The following AGMO variants were observed in gnomAD, a reference collection of about 807,000 sequenced individuals.
The protein encoded by AGMO is glyceryl-ether monooxygenase.
Under a neutral mutation model 60.2 loss-of-function variants are expected in AGMO, and 75 were observed. That is an observed-to-expected ratio of 1.25 (90% CI 1.03 to 1.51). AGMO has a LOEUF of 1.51. Ranked by LOEUF, AGMO falls within the 40% of genes most tolerant of loss-of-function variation. The pLI is 0.00. For synonymous variants in AGMO, 261 were observed against 177.1 expected, an observed-to-expected ratio of 1.47 and a Z score of -3.76; for missense variants, 763 against 525.5, an observed-to-expected ratio of 1.45 and a Z score of -4.42.
In AGMO at chr7:15,329,254, C is replaced by A. The variant is rs779767851; in HGVS notation, c.1263+36260G>T. Among the ~76,000 whole-genome samples the A allele has an allele frequency of 2.6e-5, 4 of 152,142 alleles. No individual in the cohort carries two copies. The East Asian group carries it at 7.7e-4, about 29-fold the overall frequency. ...TTTAATTGTTTCGGTATACTAAATA[C>A]CCAAGACAATTCTTGACACATAGTT... On this transcript the variant is annotated intron_variant, in intron 12 of 12. Coordinates refer to ENST00000342526, the MANE Select transcript of AGMO (RefSeq NM_001004320.2).
intron 3 of AGMO, among the ~76,000 whole-genome samples, chr7:15,485,240 C>T (rs990266302): frequency 2.6e-5 from 4 of 150,958 alleles, no homozygotes; most frequent in African/African-American, 9.8e-5. Context: ...TCCCTTGAAC[C>T]TGGGAAGCAG....
At chr7:15,127,171 C>A in the AGMO span, among the ~76,000 whole-genome samples, 2 of 152,090 alleles carry the variant, frequency 1.3e-5, no homozygotes, top group African/African-American at 2.4e-5. Flanking sequence ...CGTACCCTGA[C>A]CACCTCGGGC....
intron 12 of AGMO, among the ~76,000 whole-genome samples, chr7:15,327,791 A>G (rs1444990392): frequency 2.4e-5 from 3 of 125,732 alleles, no homozygotes; most frequent in Non-Finnish European, 3.1e-5. Flanking sequence ...TCTGTCACCC[A>G]GGCTGCCAGG....
chr7:15,396,684 A>G (rs774549965), intron 5 of AGMO: 3 of 150,344 alleles, frequency 2.0e-5, no homozygotes, highest in Non-Finnish European at 4.4e-5. Context: ...TCCACTTTAC[A>G]GAGAGCTGAT....
At chr7:15,117,538 G>C in the AGMO span, among the ~76,000 whole-genome samples, 1 of 151,824 alleles carries the variant, frequency 6.6e-6, no homozygotes, top group Non-Finnish European at 1.5e-5. Flanking sequence ...GGGAAGGAGG[G>C]GAGTGAGGGT....
intron 12 of AGMO, among the ~76,000 whole-genome samples, chr7:15,316,868 T>C (rs1217066734): frequency 6.6e-6 from 1 of 152,186 alleles, no homozygotes; most frequent in African/African-American, 2.4e-5. Flanking sequence ...TTAGACAGTA[T>C]GTAGACGTCA....
chr7:15,262,515 A>G (rs763225725), intron 12 of AGMO, among the ~76,000 whole-genome samples: 7 of 152,180 alleles, frequency 4.6e-5, no homozygotes, highest in South Asian at 2.1e-4. Flanking sequence ...GGTAGAATCA[A>G]TATTTTGAAA....
At chr7:15,429,241 C>T (rs1204788800) in intron 4 of AGMO, among the ~76,000 whole-genome samples, 2 of 151,996 alleles carry the variant, frequency 1.3e-5, no homozygotes, top group Non-Finnish European at 2.9e-5. Flanking sequence ...CTAATACCCA[C>T]TAAATGTGAC....
chr7:15,354,380 ACAC>A (rs1563105105), intron 12 of AGMO, among the ~76,000 whole-genome samples: 1 of 49,908 alleles, frequency 2.0e-5, no homozygotes, highest in Non-Finnish European at 3.5e-5. Context: ...ACGTGTGTAT[ACAC>A]GTGTGTGTAT....
chr7:15,129,657 G>A, the AGMO span, among the ~76,000 whole-genome samples: 3 of 152,096 alleles, frequency 2.0e-5, no homozygotes, highest in Non-Finnish European at 4.4e-5. Context: ...CTGGGGCCAG[G>A]ATGAAGTATT....
At chr7:15,176,448 T>C in the AGMO span, among the ~76,000 whole-genome samples, 2 of 151,978 alleles carry the variant, frequency 1.3e-5, no homozygotes, top group South Asian at 2.1e-4. Flanking sequence ...TTTTATACAA[T>C]GTATGGGTGC....
chr7:15,510,496 G>A (rs1447320022), intron 3 of AGMO, among the ~76,000 whole-genome samples: 1 of 151,282 alleles, frequency 6.6e-6, no homozygotes, highest in East Asian at 1.9e-4. Flanking sequence ...CTGTTTATGG[G>A]TAAACGAATA....
chr7:15,486,456 A>T (rs1010908224), intron 3 of AGMO, among the ~76,000 whole-genome samples: 4 of 152,224 alleles, frequency 2.6e-5, no homozygotes, highest in Non-Finnish European at 5.9e-5. Context: ...GAGGGAGCAA[A>T]ACATTCAAAT....
chr7:15,341,037 C>T (rs961962283), intron 12 of AGMO, among the ~76,000 whole-genome samples: 2 of 152,140 alleles, frequency 1.3e-5, no homozygotes, highest in African/African-American at 4.8e-5. Flanking sequence ...GAATCCACCT[C>T]TAGCATCAGA....
chr7:15,445,497 C>A (rs563074524), intron 3 of AGMO, among the ~76,000 whole-genome samples: 1 of 152,186 alleles, frequency 6.6e-6, no homozygotes, highest in East Asian at 1.9e-4. Flanking sequence ...GATTTCTTAA[C>A]CATTTACAGG....
At chr7:15,553,185 G>A (rs868031385) in intron 2 of AGMO, among the ~76,000 whole-genome samples, 5 of 151,458 alleles carry the variant, frequency 3.3e-5, no homozygotes, top group Admixed American at 6.6e-5. Context: ...GTGGGCGGAG[G>A]GGGGAGGGAT....
At chr7:15,251,424 G>A (rs1418316038) in intron 12 of AGMO, among the ~76,000 whole-genome samples, 3 of 152,188 alleles carry the variant, frequency 2.0e-5, no homozygotes, top group East Asian at 3.8e-4. Context: ...AGAAGCCAAA[G>A]AGGGGAGAGT....
chr7:15,355,504 CAAAAAAAAAAA>C (rs56695710), intron 12 of AGMO, among the ~76,000 whole-genome samples: 4 of 81,736 alleles, frequency 4.9e-5, no homozygotes. Flanking sequence ...GACTCTGTCT[CAAAAAAAAAAA>C]AAAAAAAAAG....
chr7:15,560,973 T>C (rs992963404), intron 1 of AGMO, among the ~76,000 whole-genome samples: 1 of 152,194 alleles, frequency 6.6e-6, no homozygotes, highest in Non-Finnish European at 1.5e-5. Context: ...AAGTGTAATA[T>C]CTAATCTTGA....
Sources: gnomAD v4.1 joint callset for allele counts (sites outside exome capture counted in the v4.1 genomes callset) on GRCh38, gnomAD v4.1.1 for gene constraint, MANE v1.5 for transcripts, NCBI Gene and HGNC (gene_info 2026-07-23, HGNC 2026-07-21) for gene names.